Variants in GCNT1 observed in about 807,000 individuals in gnomAD.
GCNT1 encodes glucosaminyl (N-acetyl) transferase 1.
Under a neutral mutation model 26.2 loss-of-function variants are expected in GCNT1, and 16 were observed. The ratio of observed to expected loss-of-function variants is 0.61; its 90% confidence interval spans 0.41 to 0.93. The LOEUF (loss-of-function observed/expected upper bound fraction) is 0.93. Among genes scored for constraint, GCNT1 ranks in the 40% least tolerant of loss-of-function variants. GCNT1 has a pLI of 0.00. For missense variants in GCNT1, 477 were observed against 526.7 expected (o/e 0.91, Z 0.92); for synonymous variants, 183 against 190.8 (o/e 0.96, Z 0.34).
At chr9:76,454,593 C>T (rs140032504), upstream of GCNT1, among the ~76,000 whole-genome samples, 3 of 151,380 alleles carry the variant, frequency 2.0e-5, no homozygotes, top group East Asian at 3.9e-4. Flanking sequence ...ATAATCCCCA[C>T]GTGGTGAGGG....
At chr9:76,425,889 G>T (rs1823252727) in intron 1 of GCNT1, among the ~76,000 whole-genome samples, 2 of 152,138 alleles carry the variant, frequency 1.3e-5, no homozygotes, top group Admixed American at 6.6e-5. Context: ...AGATGAACCA[G>T]TTGATTGATC....
chr9:76,434,583 T>C (rs1159124502), intron 1 of GCNT1, among the ~76,000 whole-genome samples: 3 of 152,180 alleles, frequency 2.0e-5, no homozygotes, highest in African/African-American at 7.2e-5. Context: ...TGAAATCTGA[T>C]TGTAAAACAT....
In GCNT1 at chr9:76,502,426, C is replaced by A; in HGVS notation, c.45C>A (p.Thr15=). 6.2e-7 allele frequency: 1 copy of A among 1,613,370 alleles called. No homozygotes were observed. Residue 15 remains threonine (T), a synonymous_variant, in exon 4 of 4, where the codon ACC becomes ACA. Coordinates refer to ENST00000376730, the MANE Select transcript of GCNT1 (RefSeq NM_001490.5). ...GAAGGAGACTTTTTTCTTATCCCACCAAATACTACTTTATGGTTCTTGTTT... is the reference window on the plus strand; with the variant it reads ...GAAGGAGACTTTTTTCTTATCCCACAAAATACTACTTTATGGTTCTTGTTT... The part of the protein sequence containing the change: ...LLRRRLFSYP[T]KYYFMVLVLS...
chr9:76,502,280 T>G lies in GCNT1; in HGVS notation c.-102T>G. The G allele has an allele frequency of 1.4e-6, 1 of 691,290 alleles. No homozygotes were observed. Among genetic ancestry groups the G allele is most frequent in the South Asian group, 2.3e-5 (1 of 43,936 alleles). 42.8% of individuals were successfully genotyped at this position (691,290 alleles called of 1,614,324 possible). On this transcript the variant is annotated 5_prime_UTR_variant, in exon 4 of 4. An upstream start codon of the reference 5' UTR is lost. Transcript: ENST00000376730. ...AAGATGCCGTTGCAGCTCTGATAAA[T>G]GCAAACTGACAACCTTCAAGGCCAC... is the stretch of plus-strand genomic sequence containing the variant.
intron 1 of GCNT1, among the ~76,000 whole-genome samples, chr9:76,434,089 T>C (rs1823372505): frequency 1.3e-5 from 2 of 152,234 alleles, no homozygotes; most frequent in Admixed American, 1.3e-4. Flanking sequence ...TCAAGGCTTA[T>C]AGTGTTTGGG....
At chr9:76,455,088 C>T (rs181076007), upstream of GCNT1, among the ~76,000 whole-genome samples, 43 of 152,124 alleles carry the variant, frequency 2.8e-4, no homozygotes, top group East Asian at 2.9e-3. Flanking sequence ...CCTTGTGATT[C>T]GCCCGCCTCA....
At chr9:76,441,126 G>T (rs1200932321), upstream of GCNT1, among the ~76,000 whole-genome samples, 3 of 151,356 alleles carry the variant, frequency 2.0e-5, no homozygotes, top group Non-Finnish European at 4.4e-5. Flanking sequence ...CAGAATCCTT[G>T]GTGCAGGACC....
chr9:76,504,738 G>T lies in GCNT1; in HGVS notation c.*1070G>T. On this transcript the variant is annotated 3_prime_UTR_variant, in exon 4 of 4. Transcript: ENST00000376730. Reference sequence around the variant, plus strand: ...CCTCCCAGGATTGTTTTATCCTAATGTCACCTGTATATTCATTTGAAAGGA... The same window carrying T: ...CCTCCCAGGATTGTTTTATCCTAATTTCACCTGTATATTCATTTGAAAGGA... 1 of 413,460 alleles carries T rather than the reference G, an allele frequency of 2.4e-6. No individual in the cohort carries two copies. Among genetic ancestry groups the T allele is most frequent in the Non-Finnish European group, 4.4e-6 (1 of 226,144 alleles). 25.6% of individuals were successfully genotyped at this position (413,460 alleles called of 1,614,324 possible).
the GCNT1 span, among the ~76,000 whole-genome samples, chr9:76,408,703 T>C: frequency 6.6e-6 from 1 of 152,266 alleles, no homozygotes; most frequent in South Asian, 2.1e-4. Flanking sequence ...TCTTCTTTTT[T>C]TAGATGGAGT....
intron 1 of GCNT1, among the ~76,000 whole-genome samples, chr9:76,453,633 T>C (rs529402892): frequency 6.6e-6 from 1 of 152,198 alleles, no homozygotes; most frequent in African/African-American, 2.4e-5. Flanking sequence ...ACTTGATTAA[T>C]TCCCTTGAAC....
intron 2 of GCNT1, among the ~76,000 whole-genome samples, chr9:76,484,651 G>C (rs559538159): frequency 5.8e-4 from 89 of 152,152 alleles, no homozygotes; most frequent in South Asian, 3.1e-3. Context: ...GAGTGAAAAG[G>C]GTGCAGAATG....
chr9:76,487,603 G>T (rs1359053450), intron 2 of GCNT1, among the ~76,000 whole-genome samples: 6 of 152,144 alleles, frequency 3.9e-5, no homozygotes, highest in Non-Finnish European at 7.4e-5. Flanking sequence ...CTTCTGACAG[G>T]TTCCAGTCTG....
chr9:76,498,801 G>GTA (rs1470821683), intron 2 of GCNT1, among the ~76,000 whole-genome samples: 1 of 150,464 alleles, frequency 6.6e-6, no homozygotes, highest in African/African-American at 2.4e-5. Context: ...GAAAAAAAGT[G>GTA]TATACACACA....
intron 2 of GCNT1, among the ~76,000 whole-genome samples, chr9:76,497,530 C>T (rs1379793522): frequency 2.0e-5 from 3 of 152,144 alleles, no homozygotes; most frequent in African/African-American, 7.2e-5. Flanking sequence ...GACACTTACC[C>T]ATCTTGTTAA....
At chr9:76,417,379 A>G (rs901689171), upstream of GCNT1, among the ~76,000 whole-genome samples, 4 of 152,170 alleles carry the variant, frequency 2.6e-5, no homozygotes, top group African/African-American at 9.7e-5. Context: ...TCCTCTACCC[A>G]CTAGTTTCAA....
intron 2 of GCNT1, among the ~76,000 whole-genome samples, chr9:76,479,478 C>T (rs1824357850): frequency 6.6e-6 from 1 of 152,230 alleles, no homozygotes; most frequent in Non-Finnish European, 1.5e-5. Flanking sequence ...GTCCCACCAA[C>T]AGTGTAAAAG....
chr9:76,428,302 A>AAAAAAAAAAAAAAAAAAAAAAAAAG (rs1222053703), intron 1 of GCNT1, among the ~76,000 whole-genome samples: 4 of 149,432 alleles, frequency 2.7e-5, no homozygotes, highest in Non-Finnish European at 3.0e-5. Context: ...TAAAAAAAAA[A>AAAAAAAAAAAAAAAAAAAAAAAAAG]AGAGAGAGAG....
intron 1 of GCNT1, among the ~76,000 whole-genome samples, chr9:76,448,155 T>C (rs755067004): frequency 3.9e-5 from 6 of 152,138 alleles, no homozygotes; most frequent in Non-Finnish European, 7.4e-5. Flanking sequence ...ACACTTTATA[T>C]ATATATATAC....
chr9:76,412,968 C>G, the GCNT1 span, among the ~76,000 whole-genome samples: 1 of 152,218 alleles, frequency 6.6e-6, no homozygotes, highest in South Asian at 2.1e-4. Flanking sequence ...CCCTAGACCC[C>G]AATAAAGTCT....
Sources: allele counts gnomAD v4.1 joint callset (sites outside exome capture counted in the v4.1 genomes callset), GRCh38; gene constraint gnomAD v4.1.1; transcripts MANE v1.5; gene names NCBI Gene and HGNC (gene_info 2026-07-23, HGNC 2026-07-21).